SUPT3H: variants seen among roughly 807,000 people sequenced by gnomAD.
SUPT3H encodes SPT3 homolog, SAGA and STAGA complex component, also known as transcription initiation protein SPT3 homolog.
SUPT3H carries 44 observed loss-of-function variants against 44.3 expected under a neutral mutation model. The ratio of observed to expected loss-of-function variants is 0.99; its 90% confidence interval spans 0.78 to 1.28. The LOEUF is 1.28. Among genes scored for constraint, SUPT3H ranks in the 50% most tolerant of loss-of-function variants. The probability of loss-of-function intolerance (pLI) is 0.00; values close to 1 mark genes in which losing one functional copy is unlikely to be tolerated. For missense variants in SUPT3H, 380 were observed against 387.1 expected (o/e 0.98, Z 0.15); for synonymous variants, 124 against 125.6 (o/e 0.99, Z 0.09).
At chr6:44,944,985 T>C (rs1243643288) in intron 9 of SUPT3H, among the ~76,000 whole-genome samples, 1 of 152,022 alleles carries the variant, frequency 6.6e-6, no homozygotes, top group Admixed American at 6.5e-5. Flanking sequence ...TAACCCTAAA[T>C]CAAGCAAGTC....
chr6:45,179,466 GCA>G (rs1812689625), intron 2 of SUPT3H, among the ~76,000 whole-genome samples: 1 of 152,188 alleles, frequency 6.6e-6, no homozygotes. Flanking sequence ...GACCATTGAT[GCA>G]AAAATCCTCA....
chr6:44,859,572 A>G (rs1453204379), intron 10 of SUPT3H, among the ~76,000 whole-genome samples: 2 of 152,222 alleles, frequency 1.3e-5, no homozygotes, highest in African/African-American at 4.8e-5. Flanking sequence ...ATTGCTTAAT[A>G]GAACCATAGA....
intron 2 of SUPT3H, among the ~76,000 whole-genome samples, chr6:45,284,274 A>G (rs1224696060): frequency 6.6e-6 from 1 of 152,104 alleles, no homozygotes; most frequent in Non-Finnish European, 1.5e-5. Flanking sequence ...AGAAACACAA[A>G]AAACCCTTCA....
At chr6:45,128,565 C>T (rs1382920743) in intron 2 of SUPT3H, among the ~76,000 whole-genome samples, 1,972 of 94,776 alleles carry the variant, frequency 0.021, 37 homozygotes, top group African/African-American at 0.065. Flanking sequence ...TATACACACA[C>T]ACACACACAC....
At chr6:44,889,429 A>G (rs1371435475) in intron 10 of SUPT3H, among the ~76,000 whole-genome samples, 1 of 152,226 alleles carries the variant, frequency 6.6e-6, no homozygotes, top group Non-Finnish European at 1.5e-5. Flanking sequence ...ATATACATCA[A>G]TGGAACAGAG....
At chr6:45,331,126 T>TGCGC (rs1352072883) in intron 2 of SUPT3H, among the ~76,000 whole-genome samples, 2 of 132,822 alleles carry the variant, frequency 1.5e-5, no homozygotes, top group African/African-American at 5.4e-5. Flanking sequence ...TGTGTGTGTG[T>TGCGC]GCGCGCGCGC....
intron 2 of SUPT3H, among the ~76,000 whole-genome samples, chr6:45,304,087 A>C (rs1178669646): frequency 6.6e-6 from 1 of 152,202 alleles, no homozygotes; most frequent in East Asian, 1.9e-4. Flanking sequence ...ATGAGAACTA[A>C]GTACTAGTAT....
At chr6:45,046,100 A>G (rs1256155485) in intron 3 of SUPT3H, among the ~76,000 whole-genome samples, 1 of 152,140 alleles carries the variant, frequency 6.6e-6, no homozygotes, top group Non-Finnish European at 1.5e-5. Flanking sequence ...AGCTATTTTA[A>G]TATTTGCACA....
chr6:45,068,549 C>G (rs1027728921), intron 3 of SUPT3H, among the ~76,000 whole-genome samples: 2 of 152,004 alleles, frequency 1.3e-5, no homozygotes, highest in Non-Finnish European at 2.9e-5. Context: ...GAAATCGGTA[C>G]TAATAGCAAG....
chr6:44,849,384 G>A (rs373416752), intron 10 of SUPT3H, among the ~76,000 whole-genome samples: 3 of 150,940 alleles, frequency 2.0e-5, no homozygotes, highest in Admixed American at 6.6e-5. Flanking sequence ...CCGCCACTAC[G>A]CCCGGCTAAT....
chr6:45,180,326 C>G (rs1023539363), intron 2 of SUPT3H, among the ~76,000 whole-genome samples: 8 of 149,716 alleles, frequency 5.3e-5, no homozygotes, highest in African/African-American at 2.0e-4. Context: ...CCATCCCCAT[C>G]AAGCTACCAA....
chr6:45,083,496 C>CACT (rs1036047610), intron 3 of SUPT3H, among the ~76,000 whole-genome samples: 1 of 151,972 alleles, frequency 6.6e-6, no homozygotes. Context: ...GGCCAAGAAT[C>CACT]ACTATCTTTA....
At chr6:44,980,793 T>A (rs959712516) in intron 6 of SUPT3H, among the ~76,000 whole-genome samples, 2 of 152,218 alleles carry the variant, frequency 1.3e-5, no homozygotes, top group Admixed American at 6.5e-5. Context: ...AACATTTTTT[T>A]AAATGCAATT....
chr6:44,889,615 G>A (rs1253119660), intron 10 of SUPT3H, among the ~76,000 whole-genome samples: 1 of 152,162 alleles, frequency 6.6e-6, no homozygotes, highest in Non-Finnish European at 1.5e-5. Context: ...ATTAATTCAA[G>A]ATGGATTAAA....
At chr6:44,846,630 AT>A (rs371582941) in intron 10 of SUPT3H, among the ~76,000 whole-genome samples, 1,992 of 146,480 alleles carry the variant, frequency 0.014, 42 homozygotes, top group African/African-American at 0.043. Flanking sequence ...TCCCAATTGA[AT>A]TTTTTTTTTT....
chr6:44,903,894 C>A (rs1378755873), intron 10 of SUPT3H, among the ~76,000 whole-genome samples: 3 of 152,102 alleles, frequency 2.0e-5, no homozygotes, highest in East Asian at 3.9e-4. Context: ...AATCAATAAA[C>A]CTAATCCAGC....
chr6:45,185,669 G>C (rs1814086575), intron 2 of SUPT3H, among the ~76,000 whole-genome samples: 1 of 152,186 alleles, frequency 6.6e-6, no homozygotes, highest in South Asian at 2.1e-4. Context: ...TGTTCCCCCA[G>C]TAAAGCCCCA....
At chr6:45,260,972 T>C (rs1774263616) in intron 2 of SUPT3H, among the ~76,000 whole-genome samples, 1 of 152,112 alleles carries the variant, frequency 6.6e-6, no homozygotes, top group South Asian at 2.1e-4. Flanking sequence ...CTGCCCACAG[T>C]ATACTACTTG....
chr6:45,280,648 G>A (rs1434508667), intron 2 of SUPT3H, among the ~76,000 whole-genome samples: 1 of 152,072 alleles, frequency 6.6e-6, no homozygotes, highest in Non-Finnish European at 1.5e-5. Context: ...GAACACGTGA[G>A]GATTATTATT....
Sources: gnomAD v4.1 joint callset for allele counts (sites outside exome capture counted in the v4.1 genomes callset) on GRCh38, gnomAD v4.1.1 for gene constraint, MANE v1.5 for transcripts, NCBI Gene and HGNC (gene_info 2026-07-23, HGNC 2026-07-21) for gene names.